CDH26: variants seen among roughly 807,000 people sequenced by gnomAD.
CDH26 encodes cadherin 26, also known as cadherin-like protein 26.
In CDH26, 83 loss-of-function variants were observed where a neutral mutation model predicts 90.3. The observed-to-expected ratio is 0.92, with a 90% confidence interval of 0.77 to 1.10. The LOEUF is 1.10. Among genes scored for constraint, CDH26 ranks in the 50% least tolerant of loss-of-function variants. The pLI, the probability that CDH26 is intolerant of heterozygous loss-of-function variation, is 0.00. For missense variants in CDH26, 1,013 were observed against 1,037.6 expected, an observed-to-expected ratio of 0.98 and a Z score of 0.33; for synonymous variants, 397 against 396.3, an observed-to-expected ratio of 1.00 and a Z score of -0.02.
At chr20:60,028,424 T>C (rs2062015215) in intron 7 of CDH26, among the ~76,000 whole-genome samples, 1 of 152,230 alleles carries the variant, frequency 6.6e-6, no homozygotes, top group African/African-American at 2.4e-5. Flanking sequence ...CCCCAGGGCC[T>C]GACATGTAGT....
rs887525611 is a variant in CDH26 at position 59,992,903 on chromosome 20, G to A, written c.1426+383G>A. ...GAGCTCAGATAAATGGGACTGTAAG[G>A]GACACATTTGTCATAAACCAGAATG... On this transcript the variant is annotated intron_variant, in intron 10 of 17. Transcript: ENST00000348616. This position sits in a 1 kb window ranked among gnomAD's most constrained non-coding sequence, Gnocchi z 5.0. Among the ~76,000 whole-genome samples the A allele has an allele frequency of 1.3e-5, 2 of 151,970 alleles. No homozygotes were observed. Among genetic ancestry groups the A allele is most frequent in the Non-Finnish European group, 2.9e-5 (2 of 68,000 alleles).
intron 4 of CDH26, among the ~76,000 whole-genome samples, chr20:59,978,702 A>G (rs1455022914): frequency 6.6e-6 from 1 of 152,140 alleles, no homozygotes; most frequent in East Asian, 1.9e-4. Context: ...TATAAAATTA[A>G]TAGGGCTTCT....
intron 16 of CDH26, among the ~76,000 whole-genome samples, chr20:60,006,177 A>G (rs558734800): frequency 4.3e-4 from 65 of 152,316 alleles, no homozygotes; most frequent in African/African-American, 1.4e-3. Flanking sequence ...CCTGACTCAC[A>G]TGATTTAGTG....
At chr20:60,017,489 C>A (rs1055457124), downstream of CDH26, among the ~76,000 whole-genome samples, 12 of 151,816 alleles carry the variant, frequency 7.9e-5, no homozygotes, top group Non-Finnish European at 1.8e-4. Context: ...TTACTTGAAT[C>A]TTTTCTCTTG....
Position 59,994,131 on chromosome 20 carries a change from A to G in CDH26, c.1427-119A>G. 6.0e-6 allele frequency: 8 copies of G among 1,324,686 alleles called. 1 individual carries two copies. In the South Asian group the frequency reaches 9.7e-5, roughly 16 times the overall value. The allele number at this position is 1,324,686 out of a possible 1,614,324, so 82.1% of individuals were successfully genotyped here. A position where few individuals can be genotyped will look rare whatever the true frequency, so the allele number is the denominator to read the frequency against. On this transcript the variant is annotated intron_variant, in intron 10 of 17. Transcript: ENST00000348616. ...CATGCCAGGAGAGCTTATGACGTTGAAAGGGAAACAGTTCCAGTATTTCAG... is the reference window on the plus strand; with the variant it reads ...CATGCCAGGAGAGCTTATGACGTTGGAAGGGAAACAGTTCCAGTATTTCAG...
intron 4 of CDH26, among the ~76,000 whole-genome samples, chr20:59,976,946 G>C (rs867401499): frequency 1.3e-5 from 2 of 152,192 alleles, no homozygotes; most frequent in Middle Eastern, 3.4e-3. Context: ...CCCCCTGGGA[G>C]GGCCACCGAC....
intron 17 of CDH26, among the ~76,000 whole-genome samples, chr20:60,010,029 A>G (rs547602237): frequency 6.6e-6 from 1 of 152,206 alleles, no homozygotes; most frequent in African/African-American, 2.4e-5. Context: ...AATGGGCCAG[A>G]TGTGCAGGTG....
intron 2 of CDH26, among the ~76,000 whole-genome samples, chr20:59,969,860 C>T (rs77832942): frequency 0.026 from 3,999 of 152,264 alleles, 84 homozygotes; most frequent in Middle Eastern, 0.078. Flanking sequence ...TCAAGAACCA[C>T]GTCAAATCAT....
chr20:59,994,371 G>A lies in CDH26; in HGVS notation c.1548G>A (p.Glu516=). 1.2e-6 allele frequency: 2 copies of A among 1,614,064 alleles called. No individual in the cohort carries two copies. The highest frequency in any genetic ancestry group is 1.7e-6 in the Non-Finnish European group (2 of 1,180,024). The change falls in exon 11 of 18, where the codon GAG becomes GAA. Residue 516 remains glutamate (E), a synonymous_variant. Transcript: ENST00000348616. The part of the protein sequence containing the change: ...YMEVCESAVH[E]PLHIEAEDPD... ...AGGTCTGTGAGTCTGCTGTGCATGAGCCCCTCCACATCGAGGCAGAGGATC... is the reference window on the plus strand; with the variant it reads ...AGGTCTGTGAGTCTGCTGTGCATGAACCCCTCCACATCGAGGCAGAGGATC...
Position 59,984,748 on chromosome 20 carries a change from T to C in CDH26, c.651T>C (p.Gly217=). 1 of 1,613,976 alleles carries C rather than the reference T, an allele frequency of 6.2e-7. No individual in the cohort carries two copies. The highest frequency in any genetic ancestry group is 8.5e-7 in the Non-Finnish European group (1 of 1,179,930). The part of the protein sequence containing the change: ...ISQTPLLKES[G]FRVDRLSGEI... ...AAACACCATTACTGAAAGAAAGTGG[T>C]TTCCGGGTTGATCGCCTTAGTGGAG... Residue 217 remains glycine (G), a synonymous_variant, in exon 6 of 18, where the codon GGT becomes GGC. Coordinates refer to ENST00000348616, the MANE Select transcript of CDH26 (RefSeq NM_177980.4).
At chr20:59,958,926 T>C in intron 1 of CDH26, 131 bp downstream of exon 1, 1 of 853,450 alleles carries the variant, frequency 1.2e-6, no homozygotes. Flanking sequence ...GGGCTGGCTG[T>C]CTTGAGAATG....
At chr20:60,024,264 C>T (rs1452351758) in intron 7 of CDH26, among the ~76,000 whole-genome samples, 1 of 152,130 alleles carries the variant, frequency 6.6e-6, no homozygotes, top group Non-Finnish European at 1.5e-5. Flanking sequence ...ATACCCTTTG[C>T]CCCCCACACT....
intron 7 of CDH26, among the ~76,000 whole-genome samples, chr20:60,025,262 C>T (rs2061987827): frequency 6.6e-6 from 1 of 152,202 alleles, no homozygotes; most frequent in Admixed American, 6.5e-5. Context: ...TAAACGTGTG[C>T]TATGCTTTAG....
intron 8 of CDH26, 103 bp from the exon 9 acceptor site, chr20:59,988,801 G>A: frequency 1.5e-6 from 2 of 1,292,182 alleles, no homozygotes; most frequent in Non-Finnish European, 2.1e-6. Flanking sequence ...TAAATGAAGT[G>A]CAAAAGCCAC....
intron 1 of CDH26, among the ~76,000 whole-genome samples, chr20:59,960,847 G>A (rs567254247): frequency 7.9e-5 from 12 of 152,316 alleles, no homozygotes; most frequent in South Asian, 2.1e-4. Flanking sequence ...CGACCCAGCC[G>A]TTTTTCTAAT....
chr20:59,984,609 A>G lies in CDH26; in HGVS notation c.542-30A>G, dbSNP rs141839224. 9.5e-3 allele frequency: 15,047 copies of G among 1,589,470 alleles called. 87 individuals are homozygous for G. Among genetic ancestry groups the G allele is most frequent in the Non-Finnish European group, 0.011 (12,864 of 1,165,484 alleles). ...TGGTTTGATAGGCTACCTTTATCTG[A>G]TAGTAACAATTTTTAAAAATTCTTT... On this transcript the variant is annotated intron_variant, in intron 5 of 17. Coordinates refer to ENST00000348616, the MANE Select transcript of CDH26 (RefSeq NM_177980.4).
intron 12 of CDH26, 43 bp downstream of exon 12, chr20:59,996,097 C>T (rs766865282): frequency 2.5e-6 from 4 of 1,585,030 alleles, no homozygotes; most frequent in South Asian, 1.1e-5. Context: ...GGCTCCTCTC[C>T]CCAGGCAATA....
At chr20:59,969,069 C>T (rs1185388516) in intron 2 of CDH26, 46 bp downstream of exon 2, 2 of 1,216,182 alleles carry the variant, frequency 1.6e-6, no homozygotes, top group Non-Finnish European at 2.4e-6. Context: ...TCAGTCTCTA[C>T]ACTTGACTTA....
At chr20:60,029,506 T>TTTACTTTAA (rs2062024504) in intron 7 of CDH26, among the ~76,000 whole-genome samples, 1 of 152,096 alleles carries the variant, frequency 6.6e-6, no homozygotes, top group Non-Finnish European at 1.5e-5. Context: ...CTAGGATACA[T>TTTACTTTAA]GTGCAGAAGG....
Sources: gnomAD v4.1 joint callset for allele counts (sites outside exome capture counted in the v4.1 genomes callset) on GRCh38, gnomAD v4.1.1 for gene constraint, Gnocchi (gnomAD v3.1) non-coding constraint, MANE v1.5 for transcripts, NCBI Gene and HGNC (gene_info 2026-07-23, HGNC 2026-07-21) for gene names.